The following ZYG11A variants were observed in gnomAD, a reference collection of about 807,000 sequenced individuals.
The protein encoded by ZYG11A is protein zyg-11 homolog A.
A neutral mutation model predicts 77.2 loss-of-function variants in ZYG11A; 62 were observed. The ratio of observed to expected loss-of-function variants is 0.80; its 90% CI spans 0.65 to 0.99. The LOEUF (loss-of-function observed/expected upper bound fraction) is 0.99, where lower values mean the gene tolerates loss of function less well. Among genes scored for constraint, ZYG11A ranks in the 50% least tolerant of loss-of-function variants. The pLI is 0.00. For missense variants in ZYG11A, 828 were observed against 896.8 expected, an observed-to-expected ratio of 0.92 and a Z score of 0.98; for synonymous variants, 315 against 324.6, an observed-to-expected ratio of 0.97 and a Z score of 0.32.
chr1:52,857,802 CTCG>C, intron 3 of ZYG11A, 53 bp downstream of exon 3: 1 of 1,461,796 alleles, frequency 6.8e-7, no homozygotes, highest in Non-Finnish European at 9.1e-7. Flanking sequence ...CATTATTAAA[CTCG>C]TGCTATAGAC....
At chr1:52,872,835 A>C (rs1056931989) in intron 8 of ZYG11A, among the ~76,000 whole-genome samples, 2 of 148,102 alleles carry the variant, frequency 1.4e-5, no homozygotes, top group Non-Finnish European at 3.0e-5. Context: ...GTGAGCCGAG[A>C]TCAAGCCACT....
At chr1:52,879,733 G>T (rs1248027622) in intron 10 of ZYG11A, among the ~76,000 whole-genome samples, 4 of 147,620 alleles carry the variant, frequency 2.7e-5, no homozygotes, top group Non-Finnish European at 6.0e-5. Context: ...TGACCTAAAA[G>T]ATCTTCCACT....
intron 1 of ZYG11A, among the ~76,000 whole-genome samples, chr1:52,852,825 T>G (rs1293319001): frequency 6.6e-6 from 1 of 152,192 alleles, no homozygotes; most frequent in East Asian, 1.9e-4. Flanking sequence ...TCAGAACTCT[T>G]ATATTAGCCT....
In ZYG11A at chr1:52,867,787, T is replaced by C. The variant is rs965088968; in HGVS notation, c.1542+10T>C. 6.5e-7 allele frequency: 1 copy of C among 1,550,300 alleles called. No homozygotes were observed. On this transcript the variant is annotated intron_variant, in intron 8 of 13. Transcript: ENST00000371528. Reference sequence around the variant, plus strand: ...TTTCATGGCAGTTAAGGTAGGTTCCTTGTCATGTTCATAACCTTTTTTTAA... The same window carrying C: ...TTTCATGGCAGTTAAGGTAGGTTCCCTGTCATGTTCATAACCTTTTTTTAA...
intron 4 of ZYG11A, among the ~76,000 whole-genome samples, chr1:52,861,437 A>AT (rs1645924486): frequency 6.6e-6 from 1 of 152,170 alleles, no homozygotes; most frequent in Non-Finnish European, 1.5e-5. Flanking sequence ...TTCCTTAAAA[A>AT]TGTGGATATT....
At chr1:52,860,304 TC>T (rs1645902653) in intron 3 of ZYG11A, among the ~76,000 whole-genome samples, 1 of 152,166 alleles carries the variant, frequency 6.6e-6, no homozygotes, top group Non-Finnish European at 1.5e-5. Flanking sequence ...AGCCTCAGAC[TC>T]CCAAAGTGTT....
At chr1:52,887,879 C>T (rs955500276) in intron 13 of ZYG11A, among the ~76,000 whole-genome samples, 6 of 151,982 alleles carry the variant, frequency 3.9e-5, no homozygotes, top group Admixed American at 2.6e-4. Flanking sequence ...GAGAATTTTC[C>T]GTTGATATCC....
chr1:52,885,557 T>C (rs1010491199), intron 11 of ZYG11A, among the ~76,000 whole-genome samples: 1 of 152,190 alleles, frequency 6.6e-6, no homozygotes, highest in Non-Finnish European at 1.5e-5. Flanking sequence ...TTACCATTTT[T>C]CCATGTGCAT....
chr1:52,854,676 A>G lies in ZYG11A; in HGVS notation c.256+46A>G, dbSNP rs901803363. ...AAGTCAGCTCTTGCAGTACTTTACT[A>G]TTTGAAAAGCACTTTTACACACAAT... On this transcript the variant is annotated intron_variant, in intron 2 of 13. Coordinates refer to ENST00000371528, the MANE Select transcript of ZYG11A (RefSeq NM_001004339.3). The G allele has an allele frequency of 5.6e-6, 8 of 1,421,066 alleles. No homozygotes were observed. The African/African-American group carries it at 1.1e-4, about 20-fold the overall frequency. The allele number at this position is 1,421,066 out of a possible 1,614,324, so 88.0% of individuals were successfully genotyped here.
At chr1:52,873,040 C>T (rs925955334) in intron 8 of ZYG11A, among the ~76,000 whole-genome samples, 8 of 151,984 alleles carry the variant, frequency 5.3e-5, no homozygotes, top group African/African-American at 1.9e-4. Flanking sequence ...ATTAAGAAAA[C>T]ACACAGCGGT....
intron 11 of ZYG11A, among the ~76,000 whole-genome samples, chr1:52,884,990 C>A (rs1032875651): frequency 1.3e-5 from 2 of 152,016 alleles, no homozygotes; most frequent in Non-Finnish European, 2.9e-5. Flanking sequence ...CTCACTGCAA[C>A]CTCTGCCTCC....
intron 13 of ZYG11A, among the ~76,000 whole-genome samples, chr1:52,889,165 A>T (rs1646498018): frequency 6.6e-6 from 1 of 151,910 alleles, no homozygotes; most frequent in African/African-American, 2.4e-5. Context: ...TATTTTTGAG[A>T]CAGGGTCTCA....
chr1:52,871,599 C>T (rs539137704), intron 8 of ZYG11A, among the ~76,000 whole-genome samples: 3 of 151,908 alleles, frequency 2.0e-5, no homozygotes, highest in African/African-American at 4.8e-5. Context: ...CGGGTTCAAG[C>T]GTTTCTCCTG....
chr1:52,854,882 T>TC (rs1249023802), intron 2 of ZYG11A, among the ~76,000 whole-genome samples: 1 of 151,990 alleles, frequency 6.6e-6, no homozygotes, highest in Non-Finnish European at 1.5e-5. Flanking sequence ...TGTTTTTTTT[T>TC]TTGAGACGGA....
At chr1:52,846,859 C>G (rs1351149983) in intron 1 of ZYG11A, among the ~76,000 whole-genome samples, 1 of 142,642 alleles carries the variant, frequency 7.0e-6, no homozygotes, top group East Asian at 2.0e-4. Flanking sequence ...TTTGTCTGTT[C>G]ACATTTACTT....
intron 8 of ZYG11A, 81 bp from the exon 9 acceptor site, chr1:52,877,601 C>G (rs1026695081): frequency 8.1e-7 from 1 of 1,228,104 alleles, no homozygotes; most frequent in African/African-American, 1.5e-5. Context: ...AGGTTTGATG[C>G]GTCTTAACAT....
At chr1:52,871,080 C>T (rs561201071) in intron 8 of ZYG11A, among the ~76,000 whole-genome samples, 6 of 152,038 alleles carry the variant, frequency 3.9e-5, no homozygotes, top group Admixed American at 6.5e-5. Context: ...CATCTGGGAT[C>T]GATGGCACAC....
At chr1:52,862,296 G>A (rs1645943205) in intron 4 of ZYG11A, among the ~76,000 whole-genome samples, 1 of 151,298 alleles carries the variant, frequency 6.6e-6, no homozygotes, top group Admixed American at 6.6e-5. Flanking sequence ...GACTACGTGA[G>A]CCCAGGATTT....
At chr1:52,849,743 C>T (rs1233221780) in intron 1 of ZYG11A, among the ~76,000 whole-genome samples, 4 of 150,094 alleles carry the variant, frequency 2.7e-5, no homozygotes, top group Non-Finnish European at 4.4e-5. Context: ...AGTGCAGTGG[C>T]GCGATCTCGG....
Sources: allele counts gnomAD v4.1 joint callset (sites outside exome capture counted in the v4.1 genomes callset), GRCh38; gene constraint gnomAD v4.1.1; transcripts MANE v1.5; gene names NCBI Gene and HGNC (gene_info 2026-07-23, HGNC 2026-07-21).